TRIM69: variants seen among roughly 807,000 people sequenced by gnomAD.
The protein encoded by TRIM69 is E3 ubiquitin-protein ligase TRIM69.
A neutral mutation model predicts 37.7 loss-of-function variants in TRIM69; 29 were observed. The ratio of observed to expected loss-of-function variants is 0.77; its 90% CI spans 0.57 to 1.05. The LOEUF (loss-of-function observed/expected upper bound fraction) is 1.05. Among genes scored for constraint, TRIM69 ranks in the 50% least tolerant of loss-of-function variants. TRIM69 has a pLI of 0.00. For synonymous variants in TRIM69, 209 were observed against 212.4 expected (o/e 0.98, Z 0.14); for missense variants, 596 against 579.9 (o/e 1.03, Z -0.28).
In TRIM69 at chr15:44,736,729, T is replaced by TC. The variant is rs1173612800; in HGVS notation, c.6+19_6+20insC. The TC allele has an allele frequency of 2.5e-6, 4 of 1,612,116 alleles. No homozygotes were observed. The South Asian group carries it at 3.3e-5, about 13-fold the overall frequency. ...CATGGAGGTGAGTGACCCTTTTTTT[T>TC]TTTAACTTAGCAGGGCTTCTAGGAA... is the stretch of plus-strand genomic sequence containing the variant. On this transcript the variant is annotated intron_variant, in intron 1 of 6. Coordinates refer to ENST00000329464, the MANE Select transcript of TRIM69 (RefSeq NM_182985.5).
chr15:44,763,464 C>T (rs2087821079), intron 6 of TRIM69, among the ~76,000 whole-genome samples: 1 of 152,216 alleles, frequency 6.6e-6, no homozygotes, highest in African/African-American at 2.4e-5. Context: ...GGTTTCTCCA[C>T]TGTACTCTTT....
chr15:44,754,831 G>T, intron 1 of TRIM69, 69 bp from the exon 2 acceptor site: 1 of 1,169,000 alleles, frequency 8.6e-7, no homozygotes. Context: ...TAGGAATGGC[G>T]CCATCATCCT....
intron 1 of TRIM69, among the ~76,000 whole-genome samples, chr15:44,741,296 C>A (rs945506856): frequency 1.3e-5 from 2 of 152,076 alleles, no homozygotes; most frequent in Non-Finnish European, 2.9e-5. Context: ...ATACCAGAAT[C>A]TCTGGGACAC....
At chr15:44,751,155 G>A (rs540726592) in intron 1 of TRIM69, among the ~76,000 whole-genome samples, 10 of 146,928 alleles carry the variant, frequency 6.8e-5, no homozygotes, top group Admixed American at 2.7e-4. Context: ...TCGCTCTGTC[G>A]CCCAGGCTGG....
At chr15:44,747,712 C>T (rs1024101146) in intron 1 of TRIM69, among the ~76,000 whole-genome samples, 4 of 152,134 alleles carry the variant, frequency 2.6e-5, no homozygotes, top group Non-Finnish European at 4.4e-5. Flanking sequence ...ATAGGGAACA[C>T]AGGCTATGTG....
chr15:44,738,238 TA>T (rs201340567), intron 1 of TRIM69, among the ~76,000 whole-genome samples: 12 of 113,324 alleles, frequency 1.1e-4, no homozygotes, highest in African/African-American at 2.6e-4. Flanking sequence ...TTTGTATTAT[TA>T]TTTTTTTTTT....
chr15:44,763,726 T>G (rs752720539), intron 6 of TRIM69, among the ~76,000 whole-genome samples: 21 of 152,228 alleles, frequency 1.4e-4, no homozygotes, highest in Non-Finnish European at 3.1e-4. Context: ...TTTGTTGTAG[T>G]TCTTTCAGTT....
In TRIM69 at chr15:44,767,488, C is replaced by CT; in HGVS notation, c.1220dup (p.Thr408AsnfsTer3). The CT allele has an allele frequency of 6.2e-7, 1 of 1,614,214 alleles. No homozygotes were observed. Among genetic ancestry groups the CT allele is most frequent in the Non-Finnish European group, 8.5e-7 (1 of 1,180,030 alleles). ...CATCATTCGGAAGGGCAGCTGTCCTCTAACTCCTGAGCAAGGATTCTGGCT... is the reference window on the plus strand; with the variant it reads ...CATCATTCGGAAGGGCAGCTGTCCTCTTAACTCCTGAGCAAGGATTCTGGCT... On this transcript the variant is annotated frameshift_variant, in exon 7 of 7. Coordinates refer to ENST00000329464, the MANE Select transcript of TRIM69 (RefSeq NM_182985.5). LOFTEE classifies it high-confidence loss of function.
chr15:44,750,706 T>C lies in TRIM69; in HGVS notation c.7-4194T>C, dbSNP rs113894415. Among the ~76,000 whole-genome samples, 1,276 of 136,282 alleles carry C rather than the reference T, an allele frequency of 9.4e-3. 54 individuals carry two copies. Among genetic ancestry groups the C allele is most frequent in the African/African-American group, 0.034 (1,239 of 36,918 alleles). 89.4% of individuals were successfully genotyped at this position (136,282 alleles called of 152,430 possible). A position where few individuals can be genotyped will look rare whatever the true frequency, so the allele number is the denominator to read the frequency against. Reference sequence around the variant, plus strand: ...TCCAAAGAATCGCATTTTTATTTCATTACTTTTTCTTTTTTTTTTTTTTTT... The same window carrying C: ...TCCAAAGAATCGCATTTTTATTTCACTACTTTTTCTTTTTTTTTTTTTTTT... On this transcript the variant is annotated intron_variant, in intron 1 of 6. Coordinates refer to ENST00000329464, the MANE Select transcript of TRIM69 (RefSeq NM_182985.5).
At chr15:44,750,361 A>G (rs559488432) in intron 1 of TRIM69, among the ~76,000 whole-genome samples, 6 of 152,216 alleles carry the variant, frequency 3.9e-5, no homozygotes, top group African/African-American at 1.4e-4. Flanking sequence ...TTACCAGTGA[A>G]ACCGTCTGGT....
In TRIM69 at chr15:44,759,031, C is replaced by T. The variant is rs142968086; in HGVS notation, c.813+177C>T. Among the ~76,000 whole-genome samples, 615 of 152,304 alleles carry T rather than the reference C, an allele frequency of 4.0e-3. 4 individuals are homozygous for T. The highest frequency in any genetic ancestry group is 0.014 in the Middle Eastern group (4 of 294). ...AAAGGAGGAGGCTGCTTCAGCTATA[C>T]GCACAGCAGAAAGCTTTACTTTCAT... On this transcript the variant is annotated intron_variant, in intron 4 of 6. Transcript: ENST00000329464.
rs563774176 is a variant in TRIM69, at chr15:44,745,189, CA to C, written c.6+8481del. 1.3e-4 allele frequency among the ~76,000 whole-genome samples: 19 copies of C among 151,964 alleles called. No homozygotes were observed. In the South Asian group the frequency reaches 2.7e-3, roughly 22 times the overall value. On this transcript the variant is annotated intron_variant, in intron 1 of 6. Coordinates refer to ENST00000329464, the MANE Select transcript of TRIM69 (RefSeq NM_182985.5). Reference sequence around the variant, plus strand: ...GTAAACTGTGTGTTGAAGGCATGCTCAACATATACGAAGCCCATTTACAAAG... The same window carrying C: ...GTAAACTGTGTGTTGAAGGCATGCTCACATATACGAAGCCCATTTACAAAG...
intron 1 of TRIM69, among the ~76,000 whole-genome samples, chr15:44,745,630 A>G: frequency 6.6e-6 from 1 of 152,170 alleles, no homozygotes; most frequent in South Asian, 2.1e-4. Context: ...CAAATAGCTA[A>G]AGGAAACAAT....
intron 6 of TRIM69, among the ~76,000 whole-genome samples, chr15:44,766,799 G>A (rs1424093250): frequency 2.0e-5 from 3 of 151,934 alleles, no homozygotes; most frequent in East Asian, 3.9e-4. Context: ...GCTCATGCCT[G>A]TAATCTCAGC....
At chr15:44,752,534 C>T (rs1415625880) in intron 1 of TRIM69, among the ~76,000 whole-genome samples, 1 of 152,090 alleles carries the variant, frequency 6.6e-6, no homozygotes, top group Non-Finnish European at 1.5e-5. Flanking sequence ...GGTGAGTCTC[C>T]TGTAGACAGC....
intron 1 of TRIM69, among the ~76,000 whole-genome samples, chr15:44,744,709 C>T (rs115464676): frequency 1.4e-4 from 21 of 152,256 alleles, no homozygotes; most frequent in African/African-American, 4.8e-4. Flanking sequence ...ATTCCAACTA[C>T]AGGTACATAG....
chr15:44,753,570 T>C (rs1442480772), intron 1 of TRIM69: 2 of 152,236 alleles, frequency 1.3e-5, no homozygotes, highest in Admixed American at 1.3e-4. Flanking sequence ...CTCTTGCTGC[T>C]TTCAAGATTC....
chr15:44,743,019 C>G (rs2087325332), intron 1 of TRIM69, among the ~76,000 whole-genome samples: 1 of 151,854 alleles, frequency 6.6e-6, no homozygotes, highest in Admixed American at 6.6e-5. Flanking sequence ...CAATCCTAAG[C>G]CAAAAGAACA....
rs187817759 is a variant in TRIM69, at chr15:44,761,342, C to A, written c.961+1470C>A. 2.4e-3 allele frequency among the ~76,000 whole-genome samples: 373 copies of A among 152,326 alleles called. 1 individual carries two copies. The highest frequency in any genetic ancestry group is 6.5e-3 in the Admixed American group (99 of 15,308). On this transcript the variant is annotated intron_variant, in intron 6 of 6. Transcript: ENST00000329464. ...GTCCATGGTAGTTTTATCCATCCTGCAATTAGTGAAAATCCCAGTTTCTCT... is the reference window on the plus strand; with the variant it reads ...GTCCATGGTAGTTTTATCCATCCTGAAATTAGTGAAAATCCCAGTTTCTCT...
Sources: gnomAD v4.1 joint callset for allele counts (sites outside exome capture counted in the v4.1 genomes callset) on GRCh38, gnomAD v4.1.1 for gene constraint, MANE v1.5 for transcripts, NCBI Gene and HGNC (gene_info 2026-07-23, HGNC 2026-07-21) for gene names.